LRRFIP1: variants seen among roughly 807,000 people sequenced by gnomAD.
The protein encoded by LRRFIP1 is leucine-rich repeat flightless-interacting protein 1.
In LRRFIP1, 62 loss-of-function variants were observed where a neutral mutation model predicts 104.4. That is an observed-to-expected ratio of 0.59 (90% CI 0.48 to 0.73). The LOEUF is 0.73. Ranked by LOEUF, LRRFIP1 falls within the 30% of genes least tolerant of loss-of-function variation. LRRFIP1 has a pLI of 0.00. For synonymous variants in LRRFIP1, 300 were observed against 299.0 expected (o/e 1.00, Z -0.03); for missense variants, 796 against 824.5 (o/e 0.97, Z 0.42).
chr2:237,651,775 G>T (rs1364783293), intron 1 of LRRFIP1, among the ~76,000 whole-genome samples: 2 of 152,212 alleles, frequency 1.3e-5, no homozygotes, highest in African/African-American at 4.8e-5. Context: ...TATATTTTAT[G>T]TAAATTGATA....
At position 237,761,279 on chromosome 2, in the gene LRRFIP1, G is replaced by A. The variant is rs554189035; in HGVS notation, c.1459+1074G>A. On this transcript the variant is annotated intron_variant, in intron 19 of 23. Coordinates refer to ENST00000308482, the MANE Select transcript of LRRFIP1 (RefSeq NM_001137550.2). ...AGTGGCTCACACTTCTAATCCCAGC[G>A]CTGCGGGTGGCCAAGGCTGGAGGAT... Among the ~76,000 whole-genome samples, 7 of 152,288 alleles carry A rather than the reference G, an allele frequency of 4.6e-5. No homozygotes were observed. In the South Asian group the frequency reaches 6.2e-4, roughly 14 times the overall value.
At chr2:237,736,636 T>TC (rs1192767686) in intron 10 of LRRFIP1, among the ~76,000 whole-genome samples, 1 of 152,158 alleles carries the variant, frequency 6.6e-6, no homozygotes, top group East Asian at 1.9e-4. Flanking sequence ...TCCTTGGCCT[T>TC]CATTGCTCTT....
intron 8 of LRRFIP1, among the ~76,000 whole-genome samples, chr2:237,731,921 G>A (rs184700271): frequency 6.6e-6 from 1 of 152,164 alleles, no homozygotes; most frequent in Admixed American, 6.5e-5. Context: ...GAACCTTCCT[G>A]GAAATTGTGC....
At chr2:237,727,355 C>CAAAAAA (rs35562237) in intron 7 of LRRFIP1, among the ~76,000 whole-genome samples, 1 of 84,726 alleles carries the variant, frequency 1.2e-5, no homozygotes, top group Non-Finnish European at 2.6e-5. Flanking sequence ...GACTCTGTCT[C>CAAAAAA]AAAAAAAAAA....
rs1260818151 is a variant in LRRFIP1 at position 237,749,210 on chromosome 2, C to T, written c.681C>T (p.Asn227=). Residue 227 remains asparagine (N), a synonymous_variant, in exon 13 of 24, where the codon AAC becomes AAT. Coordinates refer to ENST00000308482, the MANE Select transcript of LRRFIP1 (RefSeq NM_001137550.2). ...TCTCAACGTTCCAGGGGTCTCGTAA[C>T]ATGCCGGGCCTGTCTGCAGCCACGC... ...EKDFTEKGSR[N]MPGLSAATLA... is the part of the protein sequence containing the mutation. The T allele has an allele frequency of 1.2e-6, 2 of 1,613,352 alleles. No individual in the cohort carries two copies. Among genetic ancestry groups the T allele is most frequent in the South Asian group, 1.1e-5 (1 of 91,000 alleles).
At chr2:237,718,962 A>G (rs2094443239) in intron 4 of LRRFIP1, among the ~76,000 whole-genome samples, 3 of 152,378 alleles carry the variant, frequency 2.0e-5, no homozygotes, top group African/African-American at 7.2e-5. Context: ...AAAAATCTTT[A>G]CACATTCTTT....
rs149281426 is a variant in LRRFIP1 at position 237,708,591 on chromosome 2, C to T, written c.144C>T (p.Arg48=). 640 of 1,599,998 alleles carry T rather than the reference C, an allele frequency of 4.0e-4. No individual in the cohort carries two copies. In the African/African-American group the frequency reaches 7.0e-3, roughly 18 times the overall value. Residue 48 remains arginine, a synonymous_variant, in exon 2 of 24, where the codon CGC becomes CGT. Coordinates refer to ENST00000308482, the MANE Select transcript of LRRFIP1 (RefSeq NM_001137550.2). Reference sequence around the variant, plus strand: ...AACGGGCGGCCCGCGCGGAGGCTCGCGAGATCCGCATGAAGGAGCTGGAGC... The same window carrying T: ...AACGGGCGGCCCGCGCGGAGGCTCGTGAGATCCGCATGAAGGAGCTGGAGC... ...AAKRAARAEA[R]EIRMKELERQ...
intron 1 of LRRFIP1, among the ~76,000 whole-genome samples, chr2:237,688,600 A>G (rs1051581960): frequency 6.6e-6 from 1 of 152,020 alleles, no homozygotes; most frequent in South Asian, 2.1e-4. Context: ...CTGAGATTAC[A>G]GATGTGCACC....
At chr2:237,771,152 A>C (rs1281525064) in intron 20 of LRRFIP1, among the ~76,000 whole-genome samples, 1 of 152,172 alleles carries the variant, frequency 6.6e-6, no homozygotes, top group Admixed American at 6.5e-5. Context: ...ATTGGAAGTT[A>C]AACATGAAAA....
intron 1 of LRRFIP1, among the ~76,000 whole-genome samples, chr2:237,690,267 A>G (rs1453261324): frequency 6.6e-6 from 1 of 152,166 alleles, no homozygotes; most frequent in African/African-American, 2.4e-5. Context: ...GAATCTGCCT[A>G]TCTAGATCAG....
At chr2:237,639,801 G>A (rs1411104041) in intron 1 of LRRFIP1, among the ~76,000 whole-genome samples, 1 of 152,146 alleles carries the variant, frequency 6.6e-6, no homozygotes, top group Non-Finnish European at 1.5e-5. Context: ...TTAGGGCTGG[G>A]TAATTCTCTG....
chr2:237,715,403 T>G (rs1241642615), intron 3 of LRRFIP1, among the ~76,000 whole-genome samples: 1 of 152,178 alleles, frequency 6.6e-6, no homozygotes, highest in African/African-American at 2.4e-5. Flanking sequence ...AGCAGGACGC[T>G]CTCATCCAAA....
chr2:237,692,595 G>T (rs1362173534), intron 1 of LRRFIP1: 2 of 1,410,876 alleles, frequency 1.4e-6, no homozygotes, highest in Non-Finnish European at 1.9e-6. Context: ...CTCGTTCCGA[G>T]GTCAATGGCA....
chr2:237,682,732 G>T (rs751359418), intron 1 of LRRFIP1, among the ~76,000 whole-genome samples: 1 of 152,168 alleles, frequency 6.6e-6, no homozygotes, highest in Non-Finnish European at 1.5e-5. Flanking sequence ...TGCTCCTGGC[G>T]CTGACTTTCT....
At chr2:237,740,758 G>A (rs1469086109) in intron 11 of LRRFIP1, among the ~76,000 whole-genome samples, 1 of 152,084 alleles carries the variant, frequency 6.6e-6, no homozygotes, top group East Asian at 1.9e-4. Context: ...CAGGATCTCT[G>A]GCCACTTGAC....
At chr2:237,738,941 A>G (rs2095333550) in intron 10 of LRRFIP1, among the ~76,000 whole-genome samples, 1 of 152,252 alleles carries the variant, frequency 6.6e-6, no homozygotes, top group Non-Finnish European at 1.5e-5. Flanking sequence ...CTGTGTCTAC[A>G]CTAGGTGTGA....
In LRRFIP1 at chr2:237,760,162, A is replaced by C. The variant is rs1336345549; in HGVS notation, c.1416A>C (p.Lys472Asn). The change falls in exon 19 of 24, where the codon AAA (lysine) becomes AAC (asparagine). Residue 472 changes from lysine to asparagine, a missense_variant. Lys to Asn is a moderately conservative substitution (Grantham distance 94). Coordinates refer to ENST00000308482, the MANE Select transcript of LRRFIP1 (RefSeq NM_001137550.2). ...VGYQGPTKMT[K>N]EELNALKSTG... ...ACCAAGGTCCTACCAAGATGACAAA[A>C]GAAGAGTTAAATGCCCTCAAGTCGA... 6 of 1,614,072 alleles carry C rather than the reference A, an allele frequency of 3.7e-6. No individual in the cohort carries two copies. The highest frequency in any genetic ancestry group is 1.3e-5 in the African/African-American group (1 of 74,926).
At chr2:237,761,334 T>G (rs1162360487) in intron 19 of LRRFIP1, among the ~76,000 whole-genome samples, 1 of 152,262 alleles carries the variant, frequency 6.6e-6, no homozygotes, top group East Asian at 1.9e-4. Flanking sequence ...CAGGCCAGCC[T>G]GGCAACCTAG....
At chr2:237,663,670 C>T (rs778069625) in intron 1 of LRRFIP1, among the ~76,000 whole-genome samples, 1 of 152,222 alleles carries the variant, frequency 6.6e-6, no homozygotes, top group Admixed American at 6.5e-5. Context: ...GACTTCCGGG[C>T]CTCTGACAGG....
Sources: allele counts gnomAD v4.1 joint callset (sites outside exome capture counted in the v4.1 genomes callset), GRCh38; gene constraint gnomAD v4.1.1; transcripts MANE v1.5; gene names NCBI Gene and HGNC (gene_info 2026-07-23, HGNC 2026-07-21).